The following AGMO variants were observed in gnomAD, a reference collection of about 807,000 sequenced individuals.
The protein encoded by AGMO is alkylglycerol monooxygenase.
Under a neutral mutation model 60.2 loss-of-function variants are expected in AGMO, and 75 were observed. The observed-to-expected ratio is 1.25, with a 90% CI of 1.03 to 1.51. The LOEUF (loss-of-function observed/expected upper bound fraction) is 1.51, where lower values mean the gene tolerates loss of function less well. Ranked by LOEUF, AGMO falls within the 40% of genes most tolerant of loss-of-function variation. AGMO has a pLI of 0.00. For missense variants in AGMO, 763 were observed against 525.5 expected, an observed-to-expected ratio of 1.45 and a Z score of -4.42; for synonymous variants, 261 against 177.1, an observed-to-expected ratio of 1.47 and a Z score of -3.76.
chr7:15,548,528 T>A (rs1468133112), intron 2 of AGMO, among the ~76,000 whole-genome samples: 1 of 151,952 alleles, frequency 6.6e-6, no homozygotes, highest in Non-Finnish European at 1.5e-5. Flanking sequence ...TGCAGAAGGC[T>A]CAGGAGCCGA....
intron 3 of AGMO, among the ~76,000 whole-genome samples, chr7:15,434,145 T>A (rs1781333292): frequency 6.6e-6 from 1 of 152,050 alleles, no homozygotes; most frequent in South Asian, 2.1e-4. Flanking sequence ...GCTCCCTGCT[T>A]CAGATAATTC....
intron 3 of AGMO, among the ~76,000 whole-genome samples, chr7:15,509,256 C>T (rs1220033050): frequency 6.6e-6 from 1 of 151,972 alleles, no homozygotes; most frequent in African/African-American, 2.4e-5. Flanking sequence ...ACACAGACCT[C>T]AGATATAAAC....
At chr7:15,136,086 T>C in the AGMO span, among the ~76,000 whole-genome samples, 3 of 150,868 alleles carry the variant, frequency 2.0e-5, no homozygotes, top group Non-Finnish European at 3.0e-5. Context: ...CTCTGCCTCC[T>C]GGGTTCAAGC....
chr7:15,305,698 C>G (rs1420185489), intron 12 of AGMO, among the ~76,000 whole-genome samples: 1 of 151,912 alleles, frequency 6.6e-6, no homozygotes, highest in Admixed American at 6.6e-5. Context: ...AGACATGCAA[C>G]TAATTTACTA....
At chr7:15,241,875 C>T (rs1236242270) in intron 12 of AGMO, among the ~76,000 whole-genome samples, 1 of 152,256 alleles carries the variant, frequency 6.6e-6, no homozygotes, top group Non-Finnish European at 1.5e-5. Flanking sequence ...CTTCTAAGCT[C>T]ATTCAGTTTT....
intron 5 of AGMO, among the ~76,000 whole-genome samples, chr7:15,408,391 T>G (rs142647081): frequency 4.7e-4 from 71 of 151,914 alleles, no homozygotes; most frequent in Non-Finnish European, 8.8e-4. Flanking sequence ...GCAGAGTGTG[T>G]AGGTGTAAAA....
intron 12 of AGMO, among the ~76,000 whole-genome samples, chr7:15,364,906 C>G (rs551900969): frequency 3.7e-4 from 57 of 152,102 alleles, no homozygotes; most frequent in Non-Finnish European, 6.3e-4. Context: ...ACATAATACA[C>G]TCTCTATTAA....
chr7:15,295,864 G>A (rs1784390879), intron 12 of AGMO, among the ~76,000 whole-genome samples: 1 of 151,996 alleles, frequency 6.6e-6, no homozygotes, highest in African/African-American at 2.4e-5. Flanking sequence ...ATTTGGAATT[G>A]GGAAGACTGA....
chr7:15,324,349 C>T (rs1781273085), intron 12 of AGMO, among the ~76,000 whole-genome samples: 1 of 152,132 alleles, frequency 6.6e-6, no homozygotes, highest in Non-Finnish European at 1.5e-5. Flanking sequence ...TTCCAGATCC[C>T]AAGGTCAGCT....
intron 2 of AGMO, 108 bp downstream of exon 2, chr7:15,560,033 G>A (rs1215560455): frequency 5.2e-6 from 6 of 1,143,382 alleles, no homozygotes; most frequent in Non-Finnish European, 7.0e-6. Flanking sequence ...GAATTTTTTG[G>A]GAAAATTTGT....
At chr7:15,460,805 T>A (rs1782123664) in intron 3 of AGMO, among the ~76,000 whole-genome samples, 1 of 152,078 alleles carries the variant, frequency 6.6e-6, no homozygotes, top group Non-Finnish European at 1.5e-5. Flanking sequence ...CCAGATAAAA[T>A]ATGAGACAAA....
At chr7:15,237,725 C>A (rs1045238722) in intron 12 of AGMO, among the ~76,000 whole-genome samples, 2 of 152,066 alleles carry the variant, frequency 1.3e-5, no homozygotes, top group African/African-American at 4.8e-5. Context: ...TACTGACCAA[C>A]ACAGTCTTAA....
chr7:15,391,349 T>C (rs1199215536), intron 6 of AGMO, among the ~76,000 whole-genome samples: 1 of 152,158 alleles, frequency 6.6e-6, no homozygotes, highest in Non-Finnish European at 1.5e-5. Flanking sequence ...GGAAATTTTC[T>C]AGAGTTAGAC....
At chr7:15,332,910 C>T (rs1781541648) in intron 12 of AGMO, among the ~76,000 whole-genome samples, 1 of 152,048 alleles carries the variant, frequency 6.6e-6, no homozygotes, top group Non-Finnish European at 1.5e-5. Context: ...TTATGGTATA[C>T]ATTTCATGAT....
chr7:15,519,157 A>G (rs1294880821), intron 3 of AGMO, among the ~76,000 whole-genome samples: 1 of 152,014 alleles, frequency 6.6e-6, no homozygotes, highest in Admixed American at 6.6e-5. Context: ...TCCAAGAAAT[A>G]TGGGACTATG....
At chr7:15,323,308 T>G (rs1781239527) in intron 12 of AGMO, among the ~76,000 whole-genome samples, 1 of 152,088 alleles carries the variant, frequency 6.6e-6, no homozygotes, top group Admixed American at 6.6e-5. Context: ...AACTTTTTGT[T>G]TGTATATTTA....
intron 3 of AGMO, among the ~76,000 whole-genome samples, chr7:15,487,286 T>C (rs1457858613): frequency 6.6e-6 from 1 of 152,062 alleles, no homozygotes; most frequent in African/African-American, 2.4e-5. Context: ...ATAATAAGAC[T>C]TACAGTCTTG....
intron 5 of AGMO, among the ~76,000 whole-genome samples, chr7:15,409,783 T>C (rs1427804870): frequency 1.3e-5 from 2 of 151,784 alleles, no homozygotes; most frequent in Non-Finnish European, 2.9e-5. Context: ...GGAAACTGCA[T>C]AGTGTAGTAG....
chr7:15,382,482 T>C (rs1288639978), intron 10 of AGMO, among the ~76,000 whole-genome samples: 6 of 152,172 alleles, frequency 3.9e-5, no homozygotes, highest in Non-Finnish European at 2.9e-5. Context: ...AAATGAGGCA[T>C]GAAAGGAAGT....
Sources: gnomAD v4.1 joint callset for allele counts (sites outside exome capture counted in the v4.1 genomes callset) on GRCh38, gnomAD v4.1.1 for gene constraint, MANE v1.5 for transcripts, NCBI Gene and HGNC (gene_info 2026-07-23, HGNC 2026-07-21) for gene names.